LAMA2: variants seen among roughly 807,000 people sequenced by gnomAD.
LAMA2 encodes the protein laminin subunit alpha 2, also known as laminin subunit alpha-2.
In LAMA2, 269 loss-of-function variants were observed where a neutral mutation model predicts 364.8. The observed-to-expected ratio is 0.74, with a 90% CI of 0.67 to 0.82. The LOEUF is 0.82. Among genes scored for constraint, LAMA2 ranks in the 40% least tolerant of loss-of-function variants. The pLI, the probability that LAMA2 is intolerant of heterozygous loss-of-function variation, is 0.00. For missense variants in LAMA2, 3,807 were observed against 3,873.2 expected (o/e 0.98, Z 0.45); for synonymous variants, 1,379 against 1,370.6 (o/e 1.01, Z -0.14).
Position 129,046,804 on chromosome 6 carries a change from GAT to G in LAMA2, c.113-3111_113-3110del, listed in dbSNP as rs932080686. Among the ~76,000 whole-genome samples, 19 of 152,118 alleles carry G rather than the reference GAT, an allele frequency of 1.2e-4. 1 individual carries two copies. The highest frequency in any genetic ancestry group is 4.4e-5 in the Non-Finnish European group (3 of 68,030). On this transcript the variant is annotated intron_variant, in intron 1 of 64. Coordinates refer to ENST00000421865, the MANE Select transcript of LAMA2 (RefSeq NM_000426.4). ...TACTTATATGCCATTCCCTCTGCCT[GAT>G]ATGTTTGTTTTTTCTTTCTTCATTT...
At chr6:129,314,629 T>C in intron 23 of LAMA2, 26 bp from the exon 24 acceptor site, 1 of 1,612,048 alleles carries the variant, frequency 6.2e-7, no homozygotes, top group African/African-American at 1.3e-5. Flanking sequence ...CGTTATAAAC[T>C]CTGAGGGTCT....
intron 1 of LAMA2, among the ~76,000 whole-genome samples, chr6:128,953,045 T>C (rs1450995658): frequency 6.6e-6 from 1 of 152,224 alleles, no homozygotes; most frequent in Non-Finnish European, 1.5e-5. Context: ...CCTCCTGTTC[T>C]TAAAGTCCCT....
chr6:128,928,055 A>T (rs1243875576), intron 1 of LAMA2, among the ~76,000 whole-genome samples: 1 of 152,246 alleles, frequency 6.6e-6, no homozygotes, highest in Non-Finnish European at 1.5e-5. Flanking sequence ...GTCATCATAA[A>T]GGAATCAATG....
At chr6:129,033,516 ATT>A (rs1159485798) in intron 1 of LAMA2, among the ~76,000 whole-genome samples, 1 of 152,168 alleles carries the variant, frequency 6.6e-6, no homozygotes, top group Non-Finnish European at 1.5e-5. Flanking sequence ...GAGATTTATC[ATT>A]GTTTTATTTT....
intron 1 of LAMA2, among the ~76,000 whole-genome samples, chr6:128,930,517 C>A (rs944574661): frequency 6.6e-6 from 1 of 152,060 alleles, no homozygotes; most frequent in Non-Finnish European, 1.5e-5. Context: ...CAGATGGATG[C>A]CTGAGTGTAG....
chr6:129,104,107 C>T (rs1459225189), intron 4 of LAMA2, among the ~76,000 whole-genome samples: 2 of 151,992 alleles, frequency 1.3e-5, no homozygotes, highest in African/African-American at 4.8e-5. Context: ...TCACTGCAGG[C>T]TCAAACTCCT....
chr6:129,449,307 G>A (rs1337375066), intron 45 of LAMA2, among the ~76,000 whole-genome samples: 3 of 152,192 alleles, frequency 2.0e-5, no homozygotes, highest in Non-Finnish European at 4.4e-5. Context: ...TGGAGACTGG[G>A]AAGTCCAAGA....
Position 129,167,213 on chromosome 6 carries a change from A to G in LAMA2, c.1306+1538A>G, listed in dbSNP as rs555772095. Among the ~76,000 whole-genome samples, 4 of 151,992 alleles carry G rather than the reference A, an allele frequency of 2.6e-5. No homozygotes were observed. In the East Asian group the frequency reaches 7.8e-4, roughly 29 times the overall value. ...TTTAGGGTACATGTGCACAATGTGC[A>G]GGTTAGTTACATATGTATACATGTG... On this transcript the variant is annotated intron_variant, in intron 9 of 64. Transcript: ENST00000421865.
chr6:129,317,660 A>G (rs1774696744), intron 27 of LAMA2, among the ~76,000 whole-genome samples: 1 of 152,224 alleles, frequency 6.6e-6, no homozygotes, highest in Non-Finnish European at 1.5e-5. Flanking sequence ...AGAATATCAC[A>G]TGTAAATTAG....
At chr6:129,174,445 ACT>A (rs1219968318) in intron 9 of LAMA2, among the ~76,000 whole-genome samples, 1 of 147,244 alleles carries the variant, frequency 6.8e-6, no homozygotes, top group Non-Finnish European at 1.5e-5. Flanking sequence ...TTCTCTTCTA[ACT>A]CTTATTCATA....
In LAMA2 at chr6:129,402,392, C is replaced by A; in HGVS notation, c.5631C>A (p.Leu1877=). Residue 1877 remains leucine, a synonymous_variant, in exon 39 of 65, where the codon CTC becomes CTA. Transcript: ENST00000421865. The part of the protein sequence containing the change: ...SEELNDKIDD[L]SQEIKDRKLA... ...AGCTTAATGATAAAATAGATGACCT[C>A]TCCCAAGAAATAAAGGACAGGAAGC... 1 of 1,613,978 alleles carries A rather than the reference C, an allele frequency of 6.2e-7. No individual in the cohort carries two copies. The highest frequency in any genetic ancestry group is 8.5e-7 in the Non-Finnish European group (1 of 1,179,908).
intron 20 of LAMA2, chr6:129,292,930 A>T: frequency 4.1e-6 from 4 of 985,954 alleles, no homozygotes; most frequent in Non-Finnish European, 4.8e-6. Context: ...GTAGGGAAAC[A>T]GTGCAACCTC....
chr6:129,416,229 C>A lies in LAMA2; in HGVS notation c.5866-11523C>A, dbSNP rs965058357. ...TGCTGGGATTACAGGCGTGAGCCAC[C>A]GCGCCCGGCCGAAATTATACACTTT... On this transcript the variant is annotated intron_variant, in intron 40 of 64. Transcript: ENST00000421865. 1.3e-5 allele frequency among the ~76,000 whole-genome samples: 2 copies of A among 150,792 alleles called. 1 individual carries two copies. The highest frequency in any genetic ancestry group is 1.3e-4 in the Admixed American group (2 of 15,188).
intron 20 of LAMA2, among the ~76,000 whole-genome samples, chr6:129,294,919 A>G (rs1389130380): frequency 6.6e-6 from 1 of 152,266 alleles, no homozygotes; most frequent in Non-Finnish European, 1.5e-5. Context: ...CATTTACAAT[A>G]AAAGAAAAAG....
At chr6:129,460,608 T>TCCACA (rs1336428946) in intron 49 of LAMA2, among the ~76,000 whole-genome samples, 8 of 152,082 alleles carry the variant, frequency 5.3e-5, no homozygotes, top group Non-Finnish European at 1.2e-4. Flanking sequence ...CAGTTAAGTT[T>TCCACA]CCACTCCAAT....
In LAMA2 at chr6:129,297,797, G is replaced by T; in HGVS notation, c.2969G>T (p.Gly990Val). Residue 990 changes from glycine (G) to valine (V), a missense_variant, in exon 21 of 65, where the codon GGA becomes GTA. By Grantham distance (109) the Gly-to-Val change is moderately radical. Coordinates refer to ENST00000421865, the MANE Select transcript of LAMA2 (RefSeq NM_000426.4). ...AGTGGACAATGTTGGTGCCAACCTGGAGTCACAGGGAAGAAATGTGACCGC... is the reference window on the plus strand; with the variant it reads ...AGTGGACAATGTTGGTGCCAACCTGTAGTCACAGGGAAGAAATGTGACCGC... The part of the protein sequence containing the change: ...EESGQCWCQP[G>V]VTGKKCDRCA... 6.2e-7 allele frequency: 1 copy of T among 1,614,036 alleles called. No individual in the cohort carries two copies. The highest frequency in any genetic ancestry group is 8.5e-7 in the Non-Finnish European group (1 of 1,179,982).
chr6:129,327,568 G>A (rs991647884), intron 28 of LAMA2, among the ~76,000 whole-genome samples: 9 of 152,186 alleles, frequency 5.9e-5, no homozygotes, highest in African/African-American at 9.7e-5. Flanking sequence ...TTTCATCTTC[G>A]TGCCAGAGCT....
chr6:129,305,548 G>A (rs78704874), intron 22 of LAMA2, among the ~76,000 whole-genome samples: 15,144 of 152,050 alleles, frequency 0.1, 849 homozygotes, highest in Admixed American at 0.15. Flanking sequence ...TTGTCTCAAA[G>A]TCCTGTGCTC....
intron 8 of LAMA2, chr6:129,157,794 C>T (rs1222485811): frequency 1.7e-5 from 28 of 1,613,214 alleles, no homozygotes; most frequent in Middle Eastern, 1.6e-4. Context: ...TGTGATACAA[C>T]GACGAGCCAT....
Sources: gnomAD v4.1 joint callset for allele counts (sites outside exome capture counted in the v4.1 genomes callset) on GRCh38, gnomAD v4.1.1 for gene constraint, MANE v1.5 for transcripts, NCBI Gene and HGNC (gene_info 2026-07-23, HGNC 2026-07-21) for gene names.